The following GSE1 variants were observed in gnomAD, a reference collection of about 807,000 sequenced individuals.
GSE1 encodes Gse1 coiled-coil protein.
In GSE1, 32 loss-of-function variants were observed where a neutral mutation model predicts 112.6. That is an observed-to-expected ratio of 0.28 (90% CI 0.21 to 0.38). GSE1 has a LOEUF of 0.38. Among genes scored for constraint, GSE1 ranks in the 10% least tolerant of loss-of-function variants. The pLI is 1.00. For synonymous variants in GSE1, 1,115 were observed against 735.6 expected, an observed-to-expected ratio of 1.52 and a Z score of -8.35; for missense variants, 2,348 against 1,699.2, an observed-to-expected ratio of 1.38 and a Z score of -6.71.
At chr16:85,653,882 C>T (rs771519863) in intron 3 of GSE1, among the ~76,000 whole-genome samples, 5 of 152,198 alleles carry the variant, frequency 3.3e-5, no homozygotes, top group African/African-American at 7.2e-5. Flanking sequence ...TGGGTGCCAA[C>T]GGTGTCTGCT....
At chr16:85,641,185 C>T (rs1410322978) in intron 2 of GSE1, among the ~76,000 whole-genome samples, 5 of 152,270 alleles carry the variant, frequency 3.3e-5, no homozygotes, top group South Asian at 4.1e-4. Flanking sequence ...TCTTCTTCCT[C>T]GTCCTAACGT....
At chr16:85,362,307 A>G (rs184152142) in intron 2 of GSE1, among the ~76,000 whole-genome samples, 26 of 152,316 alleles carry the variant, frequency 1.7e-4, no homozygotes, top group African/African-American at 6.0e-4. Flanking sequence ...GTGCCATCGC[A>G]TGCAGTATAA....
At chr16:85,264,613 G>A (rs1349665812) in intron 1 of GSE1, among the ~76,000 whole-genome samples, 1 of 152,174 alleles carries the variant, frequency 6.6e-6, no homozygotes, top group Non-Finnish European at 1.5e-5. Context: ...GTGGCTGCTC[G>A]GACTCTGAGC....
chr16:85,631,656 T>C (rs2049548757), intron 1 of GSE1, among the ~76,000 whole-genome samples: 1 of 152,246 alleles, frequency 6.6e-6, no homozygotes, highest in African/African-American at 2.4e-5. Flanking sequence ...GTAATGGCCC[T>C]GGGGTGCCCC....
intron 1 of GSE1, among the ~76,000 whole-genome samples, chr16:85,355,811 A>C (rs993368684): frequency 1.3e-5 from 2 of 152,196 alleles, no homozygotes; most frequent in African/African-American, 2.4e-5. Context: ...ACTTGAGGTC[A>C]GGAGTTCGAA....
chr16:85,376,683 C>G (rs1164733499), intron 2 of GSE1, among the ~76,000 whole-genome samples: 1 of 152,212 alleles, frequency 6.6e-6, no homozygotes, highest in South Asian at 2.1e-4. Context: ...GACGCCATGT[C>G]TGTGCCCTCA....
intron 1 of GSE1, among the ~76,000 whole-genome samples, chr16:85,308,590 T>G (rs1658834305): frequency 6.6e-6 from 1 of 152,150 alleles, no homozygotes; most frequent in South Asian, 2.1e-4. Flanking sequence ...TTCTCATCTA[T>G]TTATTAAAAC....
chr16:85,555,272 C>T, upstream of GSE1: 1 of 985,384 alleles, frequency 1.0e-6, no homozygotes, highest in Non-Finnish European at 1.2e-6. Flanking sequence ...TCTCGCCTCC[C>T]CGCTCTCCTC....
At chr16:85,650,888 G>T (rs192896828) in intron 3 of GSE1, among the ~76,000 whole-genome samples, 10 of 152,044 alleles carry the variant, frequency 6.6e-5, no homozygotes, top group Non-Finnish European at 1.2e-4. Context: ...CCTTCTCGGG[G>T]TCACCCCTCT....
At chr16:85,660,259 A>G (rs1295179343) in intron 8 of GSE1, among the ~76,000 whole-genome samples, 9 of 152,334 alleles carry the variant, frequency 5.9e-5, no homozygotes, top group African/African-American at 2.2e-4. Flanking sequence ...GATCTGTCCC[A>G]GGCCTGAGAG....
At chr16:85,333,116 C>G (rs1439211137) in intron 1 of GSE1, among the ~76,000 whole-genome samples, 2 of 152,124 alleles carry the variant, frequency 1.3e-5, no homozygotes, top group Non-Finnish European at 1.5e-5. Flanking sequence ...GGCTGCAGAG[C>G]TGGGAGGTGG....
intron 1 of GSE1, among the ~76,000 whole-genome samples, chr16:85,356,936 G>A (rs1336503469): frequency 1.3e-5 from 2 of 152,196 alleles, no homozygotes; most frequent in Non-Finnish European, 2.9e-5. Flanking sequence ...CATCCCCCGG[G>A]GGTACTCAGA....
At chr16:85,369,296 A>C (rs2047246472) in intron 2 of GSE1, among the ~76,000 whole-genome samples, 2 of 152,120 alleles carry the variant, frequency 1.3e-5, no homozygotes, top group African/African-American at 4.8e-5. Flanking sequence ...GCTCACTGCA[A>C]CCTTGACCTC....
At chr16:85,258,136 C>T (rs1235505000) in intron 1 of GSE1, among the ~76,000 whole-genome samples, 1 of 152,168 alleles carries the variant, frequency 6.6e-6, no homozygotes, top group African/African-American at 2.4e-5. Flanking sequence ...AGAGTGTGCA[C>T]CTAGAAGGCC....
At chr16:85,651,336 C>G (rs918605249) in intron 3 of GSE1, among the ~76,000 whole-genome samples, 1 of 151,906 alleles carries the variant, frequency 6.6e-6, no homozygotes, top group Non-Finnish European at 1.5e-5. Flanking sequence ...GTTGGCCGGG[C>G]GCCAGCCAGA....
At chr16:85,331,361 G>GTATATATATATGTATATATATATATA (rs1299782485) in intron 1 of GSE1, among the ~76,000 whole-genome samples, 5 of 66,976 alleles carry the variant, frequency 7.5e-5, no homozygotes, top group Non-Finnish European at 1.4e-4. Context: ...GTGTGTGTGT[G>GTATATATATATGTATATATATATATA]TGTGTATATA....
At chr16:85,237,194 T>G (rs910398115) in intron 1 of GSE1, among the ~76,000 whole-genome samples, 1 of 151,736 alleles carries the variant, frequency 6.6e-6, no homozygotes, top group Non-Finnish European at 1.5e-5. Flanking sequence ...GTGGTGGCGG[T>G]CGCCTGTAAT....
intron 2 of GSE1, among the ~76,000 whole-genome samples, chr16:85,645,897 C>T (rs1251983397): frequency 7.0e-6 from 1 of 142,814 alleles, no homozygotes; most frequent in Non-Finnish European, 1.5e-5. Context: ...TTCTACCATG[C>T]TTCTACCATG....
chr16:85,626,756 A>G (rs2049100168), intron 1 of GSE1, among the ~76,000 whole-genome samples: 1 of 152,152 alleles, frequency 6.6e-6, no homozygotes, highest in Non-Finnish European at 1.5e-5. Flanking sequence ...GAAAGGAAGC[A>G]GTAATTACGG....
Sources: gnomAD v4.1 joint callset for allele counts (sites outside exome capture counted in the v4.1 genomes callset) on GRCh38, gnomAD v4.1.1 for gene constraint, MANE v1.5 for transcripts, NCBI Gene and HGNC (gene_info 2026-07-23, HGNC 2026-07-21) for gene names.